CACNA2D3: variants seen among roughly 807,000 people sequenced by gnomAD.
CACNA2D3 encodes the protein voltage-dependent calcium channel subunit alpha-2/delta-3.
CACNA2D3 carries 60 observed loss-of-function variants against 160.6 expected under a neutral mutation model. That is an observed-to-expected ratio of 0.37 (90% CI 0.30 to 0.46). CACNA2D3 has a LOEUF of 0.46. CACNA2D3 is among the 20% of genes least tolerant of loss of function. The pLI is 1.00. For synonymous variants in CACNA2D3, 558 were observed against 492.9 expected, an observed-to-expected ratio of 1.13 and a Z score of -1.75; for missense variants, 1,205 against 1,365.0, an observed-to-expected ratio of 0.88 and a Z score of 1.85.
intron 27 of CACNA2D3, among the ~76,000 whole-genome samples, chr3:54,910,977 C>T (rs1161982684): frequency 2.6e-5 from 4 of 152,172 alleles, no homozygotes; most frequent in African/African-American, 9.7e-5. Flanking sequence ...TGAAATTCCA[C>T]GTATCTTGTG....
chr3:54,806,891 A>G (rs1575486222), intron 13 of CACNA2D3, among the ~76,000 whole-genome samples: 1 of 152,342 alleles, frequency 6.6e-6, no homozygotes, highest in East Asian at 1.9e-4. Context: ...GCCCTCAGAA[A>G]TAATGCTGCA....
chr3:54,400,729 C>T (rs946915017), intron 4 of CACNA2D3, among the ~76,000 whole-genome samples: 1 of 152,102 alleles, frequency 6.6e-6, no homozygotes, highest in Non-Finnish European at 1.5e-5. Context: ...CACAGTAAGA[C>T]CCATCTGCAA....
chr3:54,387,886 A>T (rs1454378379), intron 4 of CACNA2D3, among the ~76,000 whole-genome samples: 1 of 152,206 alleles, frequency 6.6e-6, no homozygotes, highest in East Asian at 1.9e-4. Context: ...TTATATGGGG[A>T]ATAGAAAGGC....
At chr3:54,298,884 G>A (rs1703403239) in intron 2 of CACNA2D3, among the ~76,000 whole-genome samples, 1 of 145,918 alleles carries the variant, frequency 6.9e-6, no homozygotes, top group African/African-American at 2.6e-5. Flanking sequence ...TGTCGAGGCT[G>A]CAGTGAGCTG....
chr3:54,413,494 G>T (rs187226499), intron 4 of CACNA2D3, among the ~76,000 whole-genome samples: 1 of 149,132 alleles, frequency 6.7e-6, no homozygotes, highest in Non-Finnish European at 1.5e-5. Context: ...ACTATATTTG[G>T]AAATTTTTAA....
intron 25 of CACNA2D3, chr3:54,894,704 A>G: frequency 2.1e-6 from 1 of 482,392 alleles, no homozygotes; most frequent in Non-Finnish European, 4.1e-6. Flanking sequence ...GGGCCAGGCA[A>G]CAGAGGCTCC....
At chr3:54,172,183 A>T (rs1316200630) in intron 2 of CACNA2D3, among the ~76,000 whole-genome samples, 1 of 152,122 alleles carries the variant, frequency 6.6e-6, no homozygotes, top group East Asian at 1.9e-4. Flanking sequence ...ACACCCAACA[A>T]TGCTGTTTAC....
intron 35 of CACNA2D3, among the ~76,000 whole-genome samples, chr3:55,036,567 A>G (rs1315205682): frequency 6.6e-6 from 1 of 151,828 alleles, no homozygotes; most frequent in African/African-American, 2.4e-5. Context: ...TCCTGGGTTC[A>G]AGCGATTCTC....
chr3:54,727,398 C>T (rs766323871), intron 11 of CACNA2D3, among the ~76,000 whole-genome samples: 23 of 152,290 alleles, frequency 1.5e-4, no homozygotes, highest in Non-Finnish European at 2.8e-4. Context: ...CCAGCAATCC[C>T]ATTACTGGGT....
At chr3:54,888,177 A>G (rs752644102) in intron 24 of CACNA2D3, 125 bp downstream of exon 24, 2 of 755,704 alleles carry the variant, frequency 2.6e-6, no homozygotes, top group African/African-American at 1.7e-5. Context: ...TTTTCCCCCA[A>G]GCTCCAAACC....
rs180785268 is a variant in CACNA2D3 at position 54,422,761 on chromosome 3, G to T, written c.381+35987G>T. ...CACACTGCAGATCCATTTTGCAGAA[G>T]ATTTTAAAACTAAAAATGCACAGAC... is the stretch of plus-strand genomic sequence containing the variant. On this transcript the variant is annotated intron_variant, in intron 4 of 37. Coordinates refer to ENST00000474759, the MANE Select transcript of CACNA2D3 (RefSeq NM_018398.3). Among the ~76,000 whole-genome samples, 5 of 152,286 alleles carry T rather than the reference G, an allele frequency of 3.3e-5. No homozygotes were observed. The East Asian group carries it at 9.7e-4, about 29-fold the overall frequency.
intron 2 of CACNA2D3, among the ~76,000 whole-genome samples, chr3:54,225,408 T>G (rs796698955): frequency 6.6e-5 from 10 of 152,382 alleles, no homozygotes; most frequent in African/African-American, 2.4e-4. Flanking sequence ...GTTCTCTTTC[T>G]CATTTCCCCT....
intron 11 of CACNA2D3, among the ~76,000 whole-genome samples, chr3:54,723,045 A>T (rs912639061): frequency 2.0e-5 from 3 of 152,214 alleles, no homozygotes; most frequent in Non-Finnish European, 4.4e-5. Context: ...AGTTTTATCT[A>T]TAAGTCCCTG....
At chr3:54,453,167 A>G (rs1415313324) in intron 4 of CACNA2D3, among the ~76,000 whole-genome samples, 1 of 151,726 alleles carries the variant, frequency 6.6e-6, no homozygotes, top group Non-Finnish European at 1.5e-5. Flanking sequence ...AATTTTTTGT[A>G]TTTTTTGTAC....
At chr3:54,458,858 G>T (rs1421570414) in intron 4 of CACNA2D3, among the ~76,000 whole-genome samples, 1 of 151,822 alleles carries the variant, frequency 6.6e-6, no homozygotes, top group South Asian at 2.1e-4. Flanking sequence ...TGCCATGCTG[G>T]TGTGCTGCAC....
At chr3:54,735,994 C>CAT (rs765236307) in intron 11 of CACNA2D3, among the ~76,000 whole-genome samples, 797 of 73,294 alleles carry the variant, frequency 0.011, 48 homozygotes, top group African/African-American at 0.034. Context: ...TATATATATA[C>CAT]ATATATATAT....
intron 17 of CACNA2D3, among the ~76,000 whole-genome samples, chr3:54,863,563 C>T (rs1575517500): frequency 2.0e-5 from 3 of 152,246 alleles, no homozygotes; most frequent in South Asian, 4.2e-4. Context: ...AATCCAGCCT[C>T]GGTGTGGTAA....
At chr3:54,513,105 G>T (rs1701485977) in intron 5 of CACNA2D3, among the ~76,000 whole-genome samples, 2 of 152,160 alleles carry the variant, frequency 1.3e-5, no homozygotes, top group Non-Finnish European at 2.9e-5. Flanking sequence ...TTCAAGATGA[G>T]ATTTGGGCGG....
intron 10 of CACNA2D3, among the ~76,000 whole-genome samples, chr3:54,630,269 A>G (rs149863496): frequency 2.0e-5 from 3 of 151,812 alleles, no homozygotes; most frequent in South Asian, 2.1e-4. Flanking sequence ...CCCACTACAA[A>G]TGCTTTGGTT....
Sources: gnomAD v4.1 joint callset for allele counts (sites outside exome capture counted in the v4.1 genomes callset) on GRCh38, gnomAD v4.1.1 for gene constraint, MANE v1.5 for transcripts, NCBI Gene and HGNC (gene_info 2026-07-23, HGNC 2026-07-21) for gene names.